YEATS2: variants seen among roughly 807,000 people sequenced by gnomAD.
YEATS2 encodes the protein YEATS domain containing 2, also known as YEATS domain-containing protein 2.
YEATS2 carries 77 observed loss-of-function variants against 163.2 expected under a neutral mutation model. The ratio of observed to expected loss-of-function variants is 0.47; its 90% confidence interval spans 0.39 to 0.57. The LOEUF is 0.57. YEATS2 is among the 20% of genes least tolerant of loss of function. The probability of loss-of-function intolerance (pLI) is 0.00; values close to 1 mark genes in which losing one functional copy is unlikely to be tolerated. For missense variants in YEATS2, 1,549 were observed against 1,729.8 expected (o/e 0.90, Z 1.85); for synonymous variants, 631 against 645.1 (o/e 0.98, Z 0.33).
At chr3:183,808,945 C>T (rs1405696023) in intron 29 of YEATS2, 152 bp from the exon 30 acceptor site, 1 of 623,992 alleles carries the variant, frequency 1.6e-6, no homozygotes, top group East Asian at 2.6e-5. Flanking sequence ...TCATTATGGT[C>T]TATTATTGAG....
chr3:183,701,938 G>T (rs1176574856), intron 1 of YEATS2, among the ~76,000 whole-genome samples: 2 of 152,084 alleles, frequency 1.3e-5, no homozygotes, highest in African/African-American at 4.8e-5. Context: ...CCTAGAACTA[G>T]TTCTACTTCT....
chr3:183,808,797 A>C, intron 29 of YEATS2: 1 of 243,116 alleles, frequency 4.1e-6, no homozygotes, highest in Non-Finnish European at 8.1e-6. Context: ...CGGAGGTTGC[A>C]CTGAGCCAAG....
chr3:183,776,239 C>A, intron 18 of YEATS2, 116 bp downstream of exon 18: 1 of 1,065,032 alleles, frequency 9.4e-7, no homozygotes, highest in Non-Finnish European at 1.3e-6. Context: ...ACACCTTAAC[C>A]GTGTTATCTA....
chr3:183,788,846 G>A (rs753282613), intron 20 of YEATS2, among the ~76,000 whole-genome samples: 1 of 151,322 alleles, frequency 6.6e-6, no homozygotes, highest in Non-Finnish European at 1.5e-5. Context: ...CTTTCTCATT[G>A]TAGTTTTGAT....
At position 183,754,126 on chromosome 3, in the gene YEATS2, G is replaced by C; in HGVS notation, c.1151G>C (p.Gly384Ala). The change falls in exon 11 of 31, where the codon GGA becomes GCA. Residue 384 changes from glycine (G) to alanine (A), a missense_variant and splice_region_variant. Transcript: ENST00000305135. ...EPVPDTSVEK[G>A]FPASTEAERH... ...CGTTTGCCTCTTTCATCTCAAGCAGGATTCCCAGCTAGCACTGAAGCTGAA... is the reference window on the plus strand; with the variant it reads ...CGTTTGCCTCTTTCATCTCAAGCAGCATTCCCAGCTAGCACTGAAGCTGAA... The C allele has an allele frequency of 6.5e-7, 1 of 1,548,970 alleles. No homozygotes were observed. The highest frequency in any genetic ancestry group is 1.4e-5 in the African/African-American group (1 of 73,608).
At chr3:183,747,572 A>G in intron 8 of YEATS2, 100 bp from the exon 9 acceptor site, 1 of 912,954 alleles carries the variant, frequency 1.1e-6, no homozygotes, top group Non-Finnish European at 1.7e-6. Flanking sequence ...ATCCTATGGT[A>G]TGAAGACTTG....
At chr3:183,757,687 A>C (rs1290741936) in intron 12 of YEATS2, among the ~76,000 whole-genome samples, 3 of 152,216 alleles carry the variant, frequency 2.0e-5, no homozygotes, top group Admixed American at 6.5e-5. Context: ...GATGATTATA[A>C]GATAATGAGA....
intron 20 of YEATS2, among the ~76,000 whole-genome samples, chr3:183,790,370 A>G (rs993062230): frequency 5.9e-5 from 9 of 152,238 alleles, no homozygotes; most frequent in African/African-American, 2.2e-4. Flanking sequence ...GCCATGTAGT[A>G]GATGTTTGTT....
chr3:183,723,952 C>T (rs374085261), intron 5 of YEATS2, among the ~76,000 whole-genome samples: 8 of 152,238 alleles, frequency 5.3e-5, no homozygotes, highest in African/African-American at 1.9e-4. Flanking sequence ...AGAAACTTAA[C>T]ATGTTTTATA....
chr3:183,712,800 G>C (rs1437650849), intron 1 of YEATS2, among the ~76,000 whole-genome samples: 1 of 145,634 alleles, frequency 6.9e-6, no homozygotes, highest in East Asian at 2.0e-4. Flanking sequence ...TGCTCTTGTT[G>C]CCCAGGCCGG....
chr3:183,751,244 T>C (rs1235473312), intron 9 of YEATS2, among the ~76,000 whole-genome samples: 1 of 152,234 alleles, frequency 6.6e-6, no homozygotes, highest in Non-Finnish European at 1.5e-5. Flanking sequence ...TTGTCAAAGA[T>C]CATTTGACCA....
At chr3:183,782,683 C>T (rs1276947967) in intron 19 of YEATS2, among the ~76,000 whole-genome samples, 1 of 152,208 alleles carries the variant, frequency 6.6e-6, no homozygotes, top group African/African-American at 2.4e-5. Context: ...CTCGGCTTCC[C>T]AAAGTGCTGG....
chr3:183,810,702 A>C lies in YEATS2; in HGVS notation c.*119A>C. ...TGACTCGGCATGTCATGGCTACCCA[A>C]CCTTTGCCGCTGCCTGTTCCCACGT... On this transcript the variant is annotated 3_prime_UTR_variant, in exon 31 of 31. Coordinates refer to ENST00000305135, the MANE Select transcript of YEATS2 (RefSeq NM_018023.5). 1.2e-6 allele frequency: 1 copy of C among 861,312 alleles called. No homozygotes were observed. The highest frequency in any genetic ancestry group is 1.9e-6 in the Non-Finnish European group (1 of 538,412). The allele number at this position is 861,312 out of a possible 1,614,324, so 53.4% of individuals were successfully genotyped here. A position where few individuals can be genotyped will look rare whatever the true frequency, so the allele number is the denominator to read the frequency against.
At position 183,756,648 on chromosome 3, in the gene YEATS2, A is replaced by G; in HGVS notation, c.1511A>G (p.Lys504Arg). Residue 504 changes from lysine (K) to arginine (R), a missense_variant, in exon 12 of 31, where the codon AAG becomes AGG. Transcript: ENST00000305135. ...AATAATCCTTATGTTATCATGGACA[A>G]GCAGCCGGGGCAGGTGATTGGAGCC... Reference protein sequence around the residue: ...VINNPYVIMDKQPGQVIGATT... With the variant: ...VINNPYVIMDRQPGQVIGATT... 6.3e-7 allele frequency: 1 copy of G among 1,596,440 alleles called. No homozygotes were observed. Among genetic ancestry groups the G allele is most frequent in the South Asian group, 1.2e-5 (1 of 86,436 alleles).
chr3:183,704,606 A>C (rs142852955), intron 1 of YEATS2, among the ~76,000 whole-genome samples: 1 of 151,956 alleles, frequency 6.6e-6, no homozygotes, highest in African/African-American at 2.4e-5. Flanking sequence ...CTTTCTTCAT[A>C]TCTTACTGTA....
chr3:183,792,070 T>C (rs1013495817), intron 21 of YEATS2, among the ~76,000 whole-genome samples: 3 of 152,226 alleles, frequency 2.0e-5, no homozygotes, highest in Non-Finnish European at 1.5e-5. Flanking sequence ...TTTTTGTTGT[T>C]AGTCCATAAT....
At position 183,801,899 on chromosome 3, in the gene YEATS2, C is replaced by T. The variant is rs77865845; in HGVS notation, c.3502+371C>T. 7.3e-3 allele frequency: 1,169 copies of T among 159,694 alleles called. 9 individuals carry two copies. The highest frequency in any genetic ancestry group is 0.027 in the African/African-American group (1,119 of 41,700). The allele number at this position is 159,694 out of a possible 1,614,324, so 9.9% of individuals were successfully genotyped here. On this transcript the variant is annotated intron_variant, in intron 25 of 30. Coordinates refer to ENST00000305135, the MANE Select transcript of YEATS2 (RefSeq NM_018023.5). ...GGTACGTTCACTGTCTCATATAATC[C>T]CAGCCTCCTGTGTGATAGCTGGTGT... is the stretch of plus-strand genomic sequence containing the variant.
chr3:183,716,801 G>A (rs1411610962), intron 2 of YEATS2, among the ~76,000 whole-genome samples: 3 of 151,858 alleles, frequency 2.0e-5, no homozygotes, highest in Non-Finnish European at 2.9e-5. Flanking sequence ...CTTTTTCTTG[G>A]TGTCCATGCT....
intron 1 of YEATS2, among the ~76,000 whole-genome samples, chr3:183,704,006 C>A (rs113977246): frequency 0.011 from 1,607 of 151,968 alleles, 13 homozygotes; most frequent in South Asian, 0.02. Flanking sequence ...TAAAAAATAG[C>A]CAGATGTGGT....
Sources: allele counts gnomAD v4.1 joint callset (sites outside exome capture counted in the v4.1 genomes callset), GRCh38; gene constraint gnomAD v4.1.1; transcripts MANE v1.5; gene names NCBI Gene and HGNC (gene_info 2026-07-23, HGNC 2026-07-21).